Variants in SCLY observed in about 807,000 individuals in gnomAD.
SCLY encodes putative selenocysteine lyase.
In SCLY, 38 loss-of-function variants were observed where a neutral mutation model predicts 50.1. The observed-to-expected ratio is 0.76, with a 90% confidence interval of 0.59 to 0.99. The LOEUF (loss-of-function observed/expected upper bound fraction) is 0.99. Among genes scored for constraint, SCLY ranks in the 50% least tolerant of loss-of-function variants. The probability of loss-of-function intolerance (pLI) is 0.00; values close to 1 mark genes in which losing one functional copy is unlikely to be tolerated. For missense variants in SCLY, 600 were observed against 620.0 expected, an observed-to-expected ratio of 0.97 and a Z score of 0.34; for synonymous variants, 243 against 249.4, an observed-to-expected ratio of 0.97 and a Z score of 0.24.
intron 4 of SCLY, 42 bp from the exon 5 acceptor site, chr2:238,081,667 C>A: frequency 6.3e-7 from 1 of 1,587,242 alleles, no homozygotes; most frequent in South Asian, 1.1e-5. Context: ...TGAGAGGAAT[C>A]AATTTGTGCA....
Position 238,083,106 on chromosome 2 carries a change from TG to T in SCLY, c.778-140del. The T allele has an allele frequency of 1.4e-6, 1 of 730,452 alleles. No individual in the cohort carries two copies. The highest frequency in any genetic ancestry group is 2.5e-6 in the Non-Finnish European group (1 of 397,006). 45.2% of individuals were successfully genotyped at this position (730,452 alleles called of 1,614,324 possible). A position where few individuals can be genotyped will look rare whatever the true frequency, so the allele number is the denominator to read the frequency against. On this transcript the variant is annotated intron_variant, in intron 6 of 11. Transcript: ENST00000254663. This position sits in a 1 kb window ranked among gnomAD's most constrained non-coding sequence, Gnocchi z 4.3. ...TTGTGACTCTGCGTGTCAAAAGGGG[TG>T]GCACTCAGAGGCGCCACAAGGAAGC...
In SCLY at chr2:238,098,640, C is replaced by CTCACATAGAACCGT; in HGVS notation, c.*285_*286insTCACATAGAACCGT. On this transcript the variant is annotated 3_prime_UTR_variant, in exon 12 of 12. Transcript: ENST00000254663. ...ACATGGGACCGCCCACATGGGACCG[C>CTCACATAGAACCGT]CCACATGGGACCGCCCACATAGAAC... The CTCACATAGAACCGT allele has an allele frequency of 2.9e-6, 1 of 347,354 alleles. No homozygotes were observed. 21.5% of individuals were successfully genotyped at this position (347,354 alleles called of 1,614,324 possible).
intron 4 of SCLY, among the ~76,000 whole-genome samples, chr2:238,070,391 T>G (rs1290985379): frequency 6.6e-6 from 1 of 152,124 alleles, no homozygotes; most frequent in Non-Finnish European, 1.5e-5. Context: ...AAAAAAAAAT[T>G]TTTTTGGCTG....
intron 4 of SCLY, among the ~76,000 whole-genome samples, chr2:238,071,310 T>C (rs913220290): frequency 2.6e-5 from 4 of 152,214 alleles, no homozygotes; most frequent in African/African-American, 7.2e-5. Context: ...TAGAAAAGTA[T>C]AAAGTAAAAA....
chr2:238,084,575 A>C (rs1343898922), intron 7 of SCLY, among the ~76,000 whole-genome samples: 1 of 131,266 alleles, frequency 7.6e-6, no homozygotes, highest in Non-Finnish European at 1.6e-5. Flanking sequence ...TGGGTGACAG[A>C]ACAAGACTCT....
At chr2:238,081,393 AG>A (rs2065234986) in intron 4 of SCLY, 1 of 299,634 alleles carries the variant, frequency 3.3e-6, no homozygotes, top group Non-Finnish European at 6.5e-6. Flanking sequence ...GCTGTGCACT[AG>A]GACCCTCCCC....
intron 7 of SCLY, among the ~76,000 whole-genome samples, chr2:238,086,708 T>A (rs1226655286): frequency 4.1e-5 from 4 of 97,710 alleles, no homozygotes; most frequent in Admixed American, 1.4e-4. Flanking sequence ...CCTGTCTCTT[T>A]AAAAAAAAAA....
intron 7 of SCLY, among the ~76,000 whole-genome samples, chr2:238,084,487 AAGC>A (rs1255859395): frequency 2.0e-5 from 3 of 150,318 alleles, no homozygotes; most frequent in Non-Finnish European, 4.4e-5. Flanking sequence ...GCTACTTGGG[AAGC>A]TGAGGCAGGA....
intron 4 of SCLY, among the ~76,000 whole-genome samples, chr2:238,074,023 G>A (rs989145493): frequency 2.0e-5 from 3 of 152,274 alleles, no homozygotes; most frequent in African/African-American, 7.2e-5. Flanking sequence ...GCAGGGAGCT[G>A]GCTGGGTGTG....
At chr2:238,062,807 C>G (rs766498200) in intron 1 of SCLY, among the ~76,000 whole-genome samples, 11 of 152,246 alleles carry the variant, frequency 7.2e-5, no homozygotes, top group Non-Finnish European at 1.6e-4. Flanking sequence ...GTCATTGTAT[C>G]TGGGTTTTCA....
At chr2:238,073,263 T>A (rs1576665081) in intron 4 of SCLY, among the ~76,000 whole-genome samples, 1 of 152,222 alleles carries the variant, frequency 6.6e-6, no homozygotes, top group South Asian at 2.1e-4. Flanking sequence ...TTACTGTAGT[T>A]TGTAGTAAGT....
At position 238,069,245 on chromosome 2, in the gene SCLY, C is replaced by G; in HGVS notation, c.304-52C>G. 5 of 1,546,474 alleles carry G rather than the reference C, an allele frequency of 3.2e-6. No homozygotes were observed. The highest frequency in any genetic ancestry group is 4.4e-6 in the Non-Finnish European group (5 of 1,132,648). Reference sequence around the variant, plus strand: ...TAAGTAACAGAAATTGTTGCTCTGACCCTTACCTCAGCACAGTTTTTGTAA... The same window carrying G: ...TAAGTAACAGAAATTGTTGCTCTGAGCCTTACCTCAGCACAGTTTTTGTAA... On this transcript the variant is annotated intron_variant, in intron 3 of 11. Coordinates refer to ENST00000254663, the MANE Select transcript of SCLY (RefSeq NM_016510.7). The surrounding 1 kb of genome is among the most constrained non-coding windows in gnomAD (Gnocchi z 5.0).
intron 8 of SCLY, chr2:238,091,526 TGAAG>T: frequency 8.5e-6 from 4 of 468,222 alleles, no homozygotes; most frequent in East Asian, 3.9e-5. Context: ...ACAGCAGAGG[TGAAG>T]TGTCAAGCTG....
chr2:238,098,595 C>CCGCCCACATGGGACCGCCCACATAGGAA lies in SCLY; in HGVS notation c.*249_*250insGGGACCGCCCACATAGGAACGCCCACAT, dbSNP rs1559254494. 1 of 283,666 alleles carries CCGCCCACATGGGACCGCCCACATAGGAA rather than the reference C, an allele frequency of 3.5e-6. No homozygotes were observed. Among genetic ancestry groups the CCGCCCACATGGGACCGCCCACATAGGAA allele is most frequent in the African/African-American group, 4.5e-5 (1 of 22,366 alleles). 17.6% of individuals were successfully genotyped at this position (283,666 alleles called of 1,614,324 possible). A position where few individuals can be genotyped will look rare whatever the true frequency, so the allele number is the denominator to read the frequency against. On this transcript the variant is annotated 3_prime_UTR_variant, in exon 12 of 12. Coordinates refer to ENST00000254663, the MANE Select transcript of SCLY (RefSeq NM_016510.7). ...CCCACATGGGACCGCCCACATAGGA[C>CCGCCCACATGGGACCGCCCACATAGGAA]CGCCCACATAGGACCGCCCACATGG...
chr2:238,088,197 CAT>C (rs2065320863), intron 7 of SCLY, among the ~76,000 whole-genome samples: 2 of 152,294 alleles, frequency 1.3e-5, no homozygotes, highest in Admixed American at 1.3e-4. Context: ...AGTGGTAGCT[CAT>C]GCCTGCAATC....
rs1465276266 is a variant in SCLY at position 238,083,734 on chromosome 2, C to G, written c.884+380C>G. 1.3e-5 allele frequency among the ~76,000 whole-genome samples: 2 copies of G among 152,252 alleles called. No individual in the cohort carries two copies. Among genetic ancestry groups the G allele is most frequent in the African/African-American group, 4.8e-5 (2 of 41,462 alleles). ...GAAGCACTGGTCTCCTTTCTGATAG[C>G]TCCTGTGTCCCCTCTATGTATAGTG... On this transcript the variant is annotated intron_variant, in intron 7 of 11. Coordinates refer to ENST00000254663, the MANE Select transcript of SCLY (RefSeq NM_016510.7). The surrounding 1 kb of genome is among the most constrained non-coding windows in gnomAD (Gnocchi z 4.3).
rs1691382711 is a variant in SCLY, at chr2:238,099,087, A to AGG, written c.*733_*734dup. 2.8e-6 allele frequency: 1 copy of AGG among 359,238 alleles called. No individual in the cohort carries two copies. The highest frequency in any genetic ancestry group is 2.3e-5 in the African/African-American group (1 of 44,316). The allele number at this position is 359,238 out of a possible 1,614,324, so 22.3% of individuals were successfully genotyped here. On this transcript the variant is annotated 3_prime_UTR_variant, in exon 12 of 12. Coordinates refer to ENST00000254663, the MANE Select transcript of SCLY (RefSeq NM_016510.7). ...GCGCACTTCCCTGTCCACGGTCCCC[A>AGG]GGCCTTCCTGTCTTGTCCCTTTTGA... is the stretch of plus-strand genomic sequence containing the variant.
chr2:238,083,278 A>G lies in SCLY; in HGVS notation c.808A>G (p.Ile270Val), dbSNP rs753335785. ...FYGPRIGALY[I>V]RGLGEFTPLY... ...TGGTCCCAGGATTGGCGCACTTTAT[A>G]TACGAGGACTTGGTGAATTTACCCC... is the stretch of plus-strand genomic sequence containing the variant. Residue 270 changes from isoleucine (I) to valine (V), a missense_variant, in exon 7 of 12, where the codon ATA becomes GTA. By Grantham distance (29) the Ile-to-Val change is conservative (BLOSUM62 3). Coordinates refer to ENST00000254663, the MANE Select transcript of SCLY (RefSeq NM_016510.7). This position sits in a 1 kb window ranked among gnomAD's most constrained non-coding sequence, Gnocchi z 4.3. 9 of 1,613,836 alleles carry G rather than the reference A, an allele frequency of 5.6e-6. No individual in the cohort carries two copies. The highest frequency in any genetic ancestry group is 1.6e-4 in the Middle Eastern group (1 of 6,084).
chr2:238,094,646 G>A, intron 10 of SCLY, 124 bp downstream of exon 10: 1 of 810,438 alleles, frequency 1.2e-6, no homozygotes, highest in Non-Finnish European at 2.0e-6. Flanking sequence ...GGCTGTCAGA[G>A]GGCCTTGCTG....
Sources: allele counts gnomAD v4.1 joint callset (sites outside exome capture counted in the v4.1 genomes callset), GRCh38; gene constraint gnomAD v4.1.1; non-coding constraint Gnocchi (gnomAD v3.1); transcripts MANE v1.5; gene names NCBI Gene and HGNC (gene_info 2026-07-23, HGNC 2026-07-21).